Variants in GATM observed in about 807,000 individuals in gnomAD.
The protein encoded by GATM is glycine amidinotransferase, mitochondrial.
In GATM, 23 loss-of-function variants were observed where a neutral mutation model predicts 54.2. The ratio of observed to expected loss-of-function variants is 0.42; its 90% CI spans 0.31 to 0.60. GATM has a LOEUF of 0.60. GATM is among the 20% of genes least tolerant of loss of function. The pLI is 0.14. For missense variants in GATM, 401 were observed against 544.9 expected, an observed-to-expected ratio of 0.74 and a Z score of 2.63; for synonymous variants, 168 against 183.1, an observed-to-expected ratio of 0.92 and a Z score of 0.67.
rs548767618 is a variant in GATM at position 45,368,717 on chromosome 15, G to A, written c.485-457C>T. The stretch of plus-strand genomic sequence containing the variant: ...TATATATGAAAATAGCAAAAAATTC[G>A]AATAACACATACTAGATTGTTAACA... On this transcript the variant is annotated intron_variant, in intron 3 of 8. Coordinates refer to ENST00000396659, the MANE Select transcript of GATM (RefSeq NM_001482.3). This position sits in a 1 kb window ranked among gnomAD's most constrained non-coding sequence, Gnocchi z 5.1. Among the ~76,000 whole-genome samples the A allele has an allele frequency of 2.0e-5, 3 of 149,822 alleles. No individual in the cohort carries two copies. The highest frequency in any genetic ancestry group is 2.0e-4 in the East Asian group (1 of 5,128).
At chr15:45,390,423 A>T (rs1003030965) in intron 3 of GATM, among the ~76,000 whole-genome samples, 4 of 152,208 alleles carry the variant, frequency 2.6e-5, no homozygotes, top group African/African-American at 9.7e-5. Context: ...AAACCAAAGA[A>T]AGGAATGAAA....
intron 3 of GATM, among the ~76,000 whole-genome samples, chr15:45,394,512 AGAATTGTT>A (rs1322080835): frequency 6.6e-6 from 1 of 152,236 alleles, no homozygotes; most frequent in Non-Finnish European, 1.5e-5. Flanking sequence ...AACCAGAGGA[AGAATTGTT>A]GAATTCTATC....
chr15:45,381,739 A>G (rs1566844303), upstream of GATM, among the ~76,000 whole-genome samples: 1 of 152,238 alleles, frequency 6.6e-6, no homozygotes, highest in African/African-American at 2.4e-5. Context: ...TTGTACCTAC[A>G]GTTTAGGGGA....
chr15:45,397,803 G>T (rs1227986469), intron 2 of GATM, among the ~76,000 whole-genome samples: 1 of 152,102 alleles, frequency 6.6e-6, no homozygotes, highest in African/African-American at 2.4e-5. Flanking sequence ...CAGTCTTGAG[G>T]GACTGGGCCC....
chr15:45,385,723 G>T (rs1287492367), intron 3 of GATM, among the ~76,000 whole-genome samples: 1 of 152,098 alleles, frequency 6.6e-6, no homozygotes, highest in Admixed American at 6.6e-5. Flanking sequence ...AGATTTCTCT[G>T]GGAGGAGTAC....
chr15:45,396,661 G>T (rs530820137), intron 3 of GATM, among the ~76,000 whole-genome samples: 2 of 152,098 alleles, frequency 1.3e-5, no homozygotes, highest in East Asian at 3.9e-4. Context: ...ATGAGGTCAG[G>T]AGATCGAGAC....
At chr15:45,380,306 G>A (rs1240338281), upstream of GATM, among the ~76,000 whole-genome samples, 1 of 151,132 alleles carries the variant, frequency 6.6e-6, no homozygotes, top group Non-Finnish European at 1.5e-5. Context: ...GCAATAAGGA[G>A]GCCCCCAAAT....
intron 2 of GATM, among the ~76,000 whole-genome samples, chr15:45,397,668 G>A (rs1013171679): frequency 1.3e-5 from 2 of 152,150 alleles, no homozygotes; most frequent in Non-Finnish European, 2.9e-5. Flanking sequence ...TGAGTTCCAT[G>A]AGCCATCCTA....
intron 4 of GATM, among the ~76,000 whole-genome samples, chr15:45,367,266 G>A (rs927525130): frequency 3.3e-5 from 5 of 151,826 alleles, no homozygotes; most frequent in African/African-American, 1.2e-4. Flanking sequence ...GCTGGAACCC[G>A]GGAGGCAGAG....
chr15:45,366,313 T>G, intron 5 of GATM, 58 bp downstream of exon 5: 1 of 1,609,832 alleles, frequency 6.2e-7, no homozygotes, highest in Non-Finnish European at 8.5e-7. Flanking sequence ...AATATTTTAA[T>G]TTGGAAGTAA....
intron 2 of GATM, among the ~76,000 whole-genome samples, chr15:45,398,911 C>CA (rs545717049): frequency 3.3e-5 from 5 of 151,816 alleles, no homozygotes; most frequent in Non-Finnish European, 7.4e-5. Context: ...GCTGAAGGGA[C>CA]AAAAATATTG....
At chr15:45,389,928 C>T (rs1044103771) in intron 3 of GATM, among the ~76,000 whole-genome samples, 2 of 151,418 alleles carry the variant, frequency 1.3e-5, no homozygotes, top group Non-Finnish European at 1.5e-5. Context: ...GGCGTGATCT[C>T]AGCTCACTGC....
chr15:45,382,288 T>C (rs1041073548), upstream of GATM, among the ~76,000 whole-genome samples: 3 of 152,182 alleles, frequency 2.0e-5, no homozygotes, highest in Non-Finnish European at 4.4e-5. Context: ...CCTGGGAACC[T>C]TGGCATAGGG....
chr15:45,387,647 CACTT>C (rs2140672433), intron 3 of GATM, among the ~76,000 whole-genome samples: 1 of 152,346 alleles, frequency 6.6e-6, no homozygotes, highest in Admixed American at 6.5e-5. Context: ...CAGTGATTAT[CACTT>C]AATAAATGTT....
At chr15:45,396,364 CAGTCAAAGTA>C (rs1889930540) in intron 3 of GATM, 1 of 152,010 alleles carries the variant, frequency 6.6e-6, no homozygotes, top group Non-Finnish European at 1.5e-5. Flanking sequence ...GTCCTCAAAC[CAGTCAAAGTA>C]TAAGAGATTT....
chr15:45,395,171 G>T (rs970664380), intron 3 of GATM, among the ~76,000 whole-genome samples: 1 of 152,184 alleles, frequency 6.6e-6, no homozygotes, highest in Non-Finnish European at 1.5e-5. Context: ...TAAGCCATTT[G>T]CAGACAATCT....
chr15:45,377,458 C>G (rs1889658598), intron 1 of GATM: 1 of 356,714 alleles, frequency 2.8e-6, no homozygotes, highest in Non-Finnish European at 5.4e-6. Context: ...GTACCCTAGC[C>G]AAGGTCAGGA....
intron 8 of GATM, chr15:45,363,683 G>T: frequency 1.7e-6 from 1 of 593,998 alleles, no homozygotes; most frequent in Admixed American, 3.0e-5. Context: ...TATTGTTAAG[G>T]GGATGTCTCA....
At chr15:45,378,154 G>A (rs1056230829) in intron 1 of GATM, 4 of 474,432 alleles carry the variant, frequency 8.4e-6, no homozygotes, top group African/African-American at 4.1e-5. Flanking sequence ...AAGGGCTGGA[G>A]CCGCAACGCA....
Sources: allele counts gnomAD v4.1 joint callset (sites outside exome capture counted in the v4.1 genomes callset), GRCh38; gene constraint gnomAD v4.1.1; non-coding constraint Gnocchi (gnomAD v3.1); transcripts MANE v1.5; gene names NCBI Gene and HGNC (gene_info 2026-07-23, HGNC 2026-07-21).